AK6: variants seen among roughly 807,000 people sequenced by gnomAD.
AK6 encodes the protein adenylate kinase 6.
In AK6, 24 loss-of-function variants were observed where a neutral mutation model predicts 23.7. The ratio of observed to expected loss-of-function variants is 1.01; its 90% CI spans 0.73 to 1.43. AK6 has a LOEUF of 1.43. AK6 is among the 40% of genes most tolerant of loss of function. AK6 has a pLI of 0.00. For missense variants in AK6, 191 were observed against 199.1 expected (o/e 0.96, Z 0.24); for synonymous variants, 73 against 69.8 (o/e 1.05, Z -0.23).
chr5:69,361,605 ATTTTT>A (rs111389621), intron 2 of AK6, among the ~76,000 whole-genome samples: 1 of 133,348 alleles, frequency 7.5e-6, no homozygotes, highest in Non-Finnish European at 1.6e-5. Flanking sequence ...CGCCGGACTG[ATTTTT>A]TTTTTTTTTT....
intron 2 of AK6, chr5:69,364,964 A>G (rs1261367801): frequency 1.2e-6 from 2 of 1,612,086 alleles, no homozygotes; most frequent in Non-Finnish European, 1.7e-6. Context: ...CATAGTCATC[A>G]TCATCATCAT....
chr5:69,355,032 T>G (rs929626405), intron 4 of AK6, among the ~76,000 whole-genome samples: 12 of 152,116 alleles, frequency 7.9e-5, no homozygotes, highest in Admixed American at 4.6e-4. Context: ...GATTTCACCA[T>G]GTTAGCCAGC....
At chr5:69,361,969 C>CTTT (rs112797204) in intron 2 of AK6, among the ~76,000 whole-genome samples, 17 of 104,826 alleles carry the variant, frequency 1.6e-4, no homozygotes, top group South Asian at 3.3e-4. Context: ...ACTTGATTCC[C>CTTT]TTTTTTTTTT....
At chr5:69,352,482 C>T (rs537026951) in intron 4 of AK6, among the ~76,000 whole-genome samples, 1 of 151,930 alleles carries the variant, frequency 6.6e-6, no homozygotes, top group African/African-American at 2.4e-5. Flanking sequence ...ATTTCCCCCC[C>T]CCACAATTTG....
chr5:69,365,559 T>G (rs1338856849), intron 2 of AK6: 1 of 1,614,044 alleles, frequency 6.2e-7, no homozygotes, highest in Non-Finnish European at 8.5e-7. Flanking sequence ...TTTCTTAGCA[T>G]GGCTTGAATA....
chr5:69,359,085 A>G (rs1345036811), intron 2 of AK6, among the ~76,000 whole-genome samples: 1 of 148,042 alleles, frequency 6.8e-6, no homozygotes. Context: ...TACCAAAAGA[A>G]AAAAAAAAAA....
intron 2 of AK6, among the ~76,000 whole-genome samples, chr5:69,361,031 G>A (rs1186421534): frequency 6.6e-6 from 1 of 152,138 alleles, no homozygotes; most frequent in Non-Finnish European, 1.5e-5. Flanking sequence ...ACTGCTGCCA[G>A]GAAAATTAAG....
chr5:69,364,622 A>T (rs1415695666), intron 2 of AK6: 1 of 415,694 alleles, frequency 2.4e-6, no homozygotes, highest in Middle Eastern at 6.9e-4. Flanking sequence ...TTAAGGTGAC[A>T]CTCTAGTGGT....
upstream of AK6, chr5:69,369,572 C>T (rs1762776513): frequency 6.2e-7 from 1 of 1,606,064 alleles, no homozygotes; most frequent in African/African-American, 1.3e-5. Context: ...CGGGCGGCAG[C>T]AAAAGCCCAC....
chr5:69,361,307 G>C (rs1274915337), intron 2 of AK6, among the ~76,000 whole-genome samples: 1 of 152,090 alleles, frequency 6.6e-6, no homozygotes, highest in Non-Finnish European at 1.5e-5. Context: ...ATTTTTAGTA[G>C]AGACGGGGTT....
intron 2 of AK6, among the ~76,000 whole-genome samples, chr5:69,362,076 A>G (rs1312347019): frequency 2.0e-5 from 3 of 149,528 alleles, no homozygotes; most frequent in Non-Finnish European, 3.0e-5. Context: ...ACTTTTAGAA[A>G]TAAGTTTAAA....
chr5:69,369,593 GC>G (rs970291934), upstream of AK6: 83 of 1,595,470 alleles, frequency 5.2e-5, no homozygotes, highest in African/African-American at 1.0e-3. Context: ...GGCCCCAAAG[GC>G]CCCGAAGCCC....
chr5:69,367,366 C>T (rs1040417500), intron 1 of AK6, among the ~76,000 whole-genome samples: 4 of 151,604 alleles, frequency 2.6e-5, no homozygotes, highest in Non-Finnish European at 4.4e-5. Flanking sequence ...AAAAATTAGC[C>T]GGGCGTGGTG....
At chr5:69,354,068 C>G (rs891974591) in intron 4 of AK6, among the ~76,000 whole-genome samples, 1 of 152,134 alleles carries the variant, frequency 6.6e-6, no homozygotes, top group Non-Finnish European at 1.5e-5. Context: ...GTGAGCCGTC[C>G]TGCCTCCCCC....
At chr5:69,369,647 C>T (rs114401758), upstream of AK6, 2,268 of 1,562,070 alleles carry the variant, frequency 1.5e-3, 32 homozygotes, top group African/African-American at 0.028. Context: ...AGCCGCGGCC[C>T]ACTGGTTACC....
intron 1 of AK6, among the ~76,000 whole-genome samples, chr5:69,368,113 A>G (rs1378094461): frequency 6.6e-6 from 1 of 152,204 alleles, no homozygotes; most frequent in Non-Finnish European, 1.5e-5. Flanking sequence ...ACTGTAAACC[A>G]GTTTCCTTTC....
chr5:69,355,666 G>A lies in AK6; in HGVS notation c.309C>T (p.Tyr103=), dbSNP rs376487189. 6.8e-6 allele frequency: 11 copies of A among 1,608,158 alleles called. No individual in the cohort carries two copies. The highest frequency in any genetic ancestry group is 5.4e-5 in the African/African-American group (4 of 74,738). The part of the protein sequence containing the change: ...FVLRTDTNVL[Y]ERLETRGYNE... ...TTTCTTACCTTGTTTCAAGTCTTTC[G>A]TACAATACATTGGTATCTGTTCTCA... Residue 103 remains tyrosine, a synonymous_variant, in exon 4 of 5, where the codon TAC becomes TAT. Coordinates refer to ENST00000380822, the MANE Select transcript of AK6 (RefSeq NM_016283.5).
At chr5:69,366,821 C>A (rs1762450210) in intron 1 of AK6, 1 of 505,316 alleles carries the variant, frequency 2.0e-6, no homozygotes, top group Non-Finnish European at 3.6e-6. Flanking sequence ...TGCAGTGGCA[C>A]AATCTTGGCT....
intron 2 of AK6, among the ~76,000 whole-genome samples, chr5:69,358,385 G>A (rs554216417): frequency 3.3e-5 from 5 of 152,106 alleles, no homozygotes; most frequent in African/African-American, 1.2e-4. Flanking sequence ...GCCAGGCGTG[G>A]TGGCGGGTGC....
Sources: gnomAD v4.1 joint callset for allele counts (sites outside exome capture counted in the v4.1 genomes callset) on GRCh38, gnomAD v4.1.1 for gene constraint, MANE v1.5 for transcripts, NCBI Gene and HGNC (gene_info 2026-07-23, HGNC 2026-07-21) for gene names.